Variants in ARHGAP22 observed in about 807,000 individuals in gnomAD.
ARHGAP22 encodes the protein rho GTPase-activating protein 22.
In ARHGAP22, 48 loss-of-function variants were observed where a neutral mutation model predicts 59.1. The ratio of observed to expected loss-of-function variants is 0.81; its 90% CI spans 0.64 to 1.03. The LOEUF is 1.03. Ranked by LOEUF, ARHGAP22 falls within the 50% of genes least tolerant of loss-of-function variation. ARHGAP22 has a pLI of 0.00. For synonymous variants in ARHGAP22, 445 were observed against 416.4 expected, an observed-to-expected ratio of 1.07 and a Z score of -0.84; for missense variants, 1,015 against 958.7, an observed-to-expected ratio of 1.06 and a Z score of -0.78.
chr10:48,619,517 A>G (rs1347378052), intron 1 of ARHGAP22, among the ~76,000 whole-genome samples: 1 of 152,232 alleles, frequency 6.6e-6, no homozygotes, highest in South Asian at 2.1e-4. Context: ...CAGAGAATAG[A>G]GAGCACAGAA....
At chr10:48,484,379 ATTG>A (rs1203118880) in intron 3 of ARHGAP22, among the ~76,000 whole-genome samples, 1 of 152,062 alleles carries the variant, frequency 6.6e-6, no homozygotes, top group East Asian at 1.9e-4. Flanking sequence ...CCTTTTATAT[ATTG>A]TTGTTTTGAT....
At chr10:48,435,196 A>G in the ARHGAP22 span, 1 of 524,134 alleles carries the variant, frequency 1.9e-6, no homozygotes, top group African/African-American at 1.9e-5. Context: ...GATGTAATTT[A>G]AAACCTAAGT....
chr10:48,587,018 C>T (rs916887631), intron 1 of ARHGAP22, among the ~76,000 whole-genome samples: 1 of 152,242 alleles, frequency 6.6e-6, no homozygotes, highest in Admixed American at 6.5e-5. Flanking sequence ...CGCATCTGTG[C>T]TGCACAGCCC....
In ARHGAP22 at chr10:48,604,939, G is replaced by C. The variant is rs560793124; in HGVS notation, c.-143C>G. 1.3e-6 allele frequency: 2 copies of C among 1,544,448 alleles called. No individual in the cohort carries two copies. Among genetic ancestry groups the C allele is most frequent in the African/African-American group, 1.4e-5 (1 of 72,980 alleles). On this transcript the variant is annotated 5_prime_UTR_variant, in exon 1 of 10. Coordinates refer to ENST00000249601, the MANE Select transcript of ARHGAP22 (RefSeq NM_021226.4). ...CTGGCGTCACCCGTCAGGCTCCCTC[G>C]GCTACCTCTCCTGGCTCCGGACGGA... is the stretch of plus-strand genomic sequence containing the variant.
At chr10:48,609,081 A>C (rs752281880), upstream of ARHGAP22, among the ~76,000 whole-genome samples, 3 of 152,208 alleles carry the variant, frequency 2.0e-5, no homozygotes, top group Non-Finnish European at 4.4e-5. Context: ...AAATGCAGTA[A>C]ATCAGAGCTT....
chr10:48,448,364 T>G (rs568402388), intron 9 of ARHGAP22, among the ~76,000 whole-genome samples: 1 of 152,348 alleles, frequency 6.6e-6, no homozygotes, highest in East Asian at 1.9e-4. Flanking sequence ...ACACCGTGTA[T>G]TTTTAAAAAT....
At chr10:48,636,491 C>T (rs1178634948) in intron 1 of ARHGAP22, among the ~76,000 whole-genome samples, 1 of 152,200 alleles carries the variant, frequency 6.6e-6, no homozygotes, top group Non-Finnish European at 1.5e-5. Flanking sequence ...AGGGATTCTC[C>T]CTGCTCTGAG....
intron 4 of ARHGAP22, among the ~76,000 whole-genome samples, chr10:48,476,787 T>A (rs1446931066): frequency 6.6e-6 from 1 of 152,186 alleles, no homozygotes; most frequent in Non-Finnish European, 1.5e-5. Context: ...CAGAGGGAGA[T>A]GGACATGTGG....
At chr10:48,433,279 AT>A in the ARHGAP22 span, among the ~76,000 whole-genome samples, 2 of 152,230 alleles carry the variant, frequency 1.3e-5, no homozygotes, top group African/African-American at 2.4e-5. Flanking sequence ...AGATTAAGAC[AT>A]TTGGGTAAAA....
At chr10:48,431,748 T>G in the ARHGAP22 span, among the ~76,000 whole-genome samples, 1 of 152,212 alleles carries the variant, frequency 6.6e-6, no homozygotes, top group African/African-American at 2.4e-5. Flanking sequence ...AGAAGAAAAC[T>G]GGGTTTGTAG....
chr10:48,513,595 CA>C (rs1302384643), intron 3 of ARHGAP22, among the ~76,000 whole-genome samples: 1 of 152,192 alleles, frequency 6.6e-6, no homozygotes. Context: ...TGGGTGACTG[CA>C]TACAACAGGG....
chr10:48,504,973 G>T (rs558517834), intron 3 of ARHGAP22, among the ~76,000 whole-genome samples: 1 of 152,258 alleles, frequency 6.6e-6, no homozygotes, highest in African/African-American at 2.4e-5. Flanking sequence ...CAGGCAGAGG[G>T]GCCCAAGCAA....
rs748665436 is a variant in ARHGAP22, at chr10:48,450,346, G to A, written c.1783C>T (p.Arg595Cys). ...PDSPTREHARRSEALQGLVTE... is the reference protein window; with the variant it reads ...PDSPTREHARCSEALQGLVTE... Reference sequence around the variant, plus strand: ...ACCAGCCCCTGTAAGGCCTCGGAGCGGCGCGCGTGTTCCCGGGTGGGGCTG... The same window carrying A: ...ACCAGCCCCTGTAAGGCCTCGGAGCAGCGCGCGTGTTCCCGGGTGGGGCTG... Residue 595 changes from arginine to cysteine, a missense_variant, in exon 9 of 10, where the codon CGC becomes TGC. Transcript: ENST00000249601. 2.5e-6 allele frequency: 4 copies of A among 1,593,762 alleles called. No homozygotes were observed. Among genetic ancestry groups the A allele is most frequent in the Admixed American group, 1.7e-5 (1 of 57,650 alleles).
chr10:48,440,007 C>G, the ARHGAP22 span, among the ~76,000 whole-genome samples: 49 of 152,172 alleles, frequency 3.2e-4, no homozygotes, highest in Non-Finnish European at 6.3e-4. Context: ...GAGAGGCCTC[C>G]CAGGAGAAAC....
At chr10:48,517,798 C>A (rs2053436070) in intron 3 of ARHGAP22, among the ~76,000 whole-genome samples, 1 of 152,172 alleles carries the variant, frequency 6.6e-6, no homozygotes, top group Non-Finnish European at 1.5e-5. Context: ...TGGGTTTCCT[C>A]AGAGAATCAT....
In ARHGAP22 at chr10:48,515,852, T is replaced by C. The variant is rs144574728; in HGVS notation, c.323-36088A>G. On this transcript the variant is annotated intron_variant, in intron 3 of 9. Transcript: ENST00000249601. ...AAGAAGCTGATCATAGTGGCATCTG[T>C]GCTAGCATCTTTGGGTATTTAGGGG... Among the ~76,000 whole-genome samples, 566 of 152,258 alleles carry C rather than the reference T, an allele frequency of 3.7e-3. 1 individual carries two copies. The highest frequency in any genetic ancestry group is 5.3e-3 in the Non-Finnish European group (358 of 68,024).
At chr10:48,588,940 A>G (rs2059593396) in intron 1 of ARHGAP22, among the ~76,000 whole-genome samples, 1 of 152,112 alleles carries the variant, frequency 6.6e-6, no homozygotes, top group Admixed American at 6.5e-5. Flanking sequence ...AGGATACTAG[A>G]GTGTGGGATG....
Position 48,450,896 on chromosome 10 carries a change from C to T in ARHGAP22, c.1233G>A (p.Gly411=). 2.5e-6 allele frequency: 4 copies of T among 1,589,560 alleles called. No individual in the cohort carries two copies. The highest frequency in any genetic ancestry group is 2.3e-5 in the South Asian group (2 of 86,696). The change falls in exon 9 of 10, where the codon GGG becomes GGA. Residue 411 remains glycine (G), a synonymous_variant. Transcript: ENST00000249601. ...VAVLSRTAPT[G]PGSRCSPGKK... is the part of the protein sequence containing the mutation. ...TCCCAGGGCTGCACCGGCTCCCCGG[C>T]CCCGTGGGGGCTGTTCTGGAGAGCA...
chr10:48,434,707 T>C, the ARHGAP22 span, among the ~76,000 whole-genome samples: 4 of 152,210 alleles, frequency 2.6e-5, no homozygotes, highest in African/African-American at 9.6e-5. Context: ...TCTCACCTCA[T>C]AGCTGTCAAT....
Sources: allele counts gnomAD v4.1 joint callset (sites outside exome capture counted in the v4.1 genomes callset), GRCh38; gene constraint gnomAD v4.1.1; transcripts MANE v1.5; gene names NCBI Gene and HGNC (gene_info 2026-07-23, HGNC 2026-07-21).